Variants in PARP8 observed in about 807,000 individuals in gnomAD.
PARP8 encodes the protein protein mono-ADP-ribosyltransferase PARP8.
Under a neutral mutation model 124.1 loss-of-function variants are expected in PARP8, and 51 were observed. The ratio of observed to expected loss-of-function variants is 0.41; its 90% confidence interval spans 0.33 to 0.52. PARP8 has a LOEUF of 0.52. PARP8 is among the 20% of genes least tolerant of loss of function. The pLI is 0.21. For missense variants in PARP8, 860 were observed against 1,018.9 expected (o/e 0.84, Z 2.12); for synonymous variants, 391 against 361.5 (o/e 1.08, Z -0.93).
Position 50,747,153 on chromosome 5 carries a change from TG to T in PARP8, c.147-2997del, listed in dbSNP as rs1285432511. Among the ~76,000 whole-genome samples the T allele has an allele frequency of 5.4e-3, 54 of 10,046 alleles. 1 individual carries two copies. Among genetic ancestry groups the T allele is most frequent in the African/African-American group, 0.011 (52 of 4,802 alleles). 6.6% of individuals were successfully genotyped at this position (10,046 alleles called of 152,430 possible). ...TTATTCAGTTATGGTTTTTTTTGTT[TG>T]TTTGTTTTGTTTTTTTTTTTTTTTT... is the stretch of plus-strand genomic sequence containing the variant. On this transcript the variant is annotated intron_variant, in intron 2 of 25. Transcript: ENST00000281631.
intron 2 of PARP8, among the ~76,000 whole-genome samples, chr5:50,676,205 T>C (rs1308536452): frequency 6.6e-6 from 1 of 152,254 alleles, no homozygotes; most frequent in Non-Finnish European, 1.5e-5. Flanking sequence ...TGGCAAACTC[T>C]GAGTCTTATT....
intron 13 of PARP8, 45 bp from the exon 14 acceptor site, chr5:50,797,093 A>G (rs1161393024): frequency 1.2e-6 from 2 of 1,609,104 alleles, no homozygotes; most frequent in Admixed American, 3.4e-5. Flanking sequence ...TTTTTAAATC[A>G]TTTATGAGCT....
At chr5:50,741,996 G>C (rs1758095142) in intron 2 of PARP8, 3 of 336,654 alleles carry the variant, frequency 8.9e-6, no homozygotes, top group Non-Finnish European at 5.7e-6. Context: ...TTTTAGTAGA[G>C]ACAGGGTTTT....
chr5:50,725,077 G>GTATA lies in PARP8; in HGVS notation c.147-25061_147-25058dup, dbSNP rs141434751. On this transcript the variant is annotated intron_variant, in intron 2 of 25. Coordinates refer to ENST00000281631, the MANE Select transcript of PARP8 (RefSeq NM_024615.4). ...GTAGTATTCCATTGTGTGTGTATGT[G>GTATA]TATATATATATATATACACATATGT... 1.9e-3 allele frequency among the ~76,000 whole-genome samples: 283 copies of GTATA among 148,288 alleles called. 2 individuals carry two copies. The highest frequency in any genetic ancestry group is 6.8e-3 in the African/African-American group (272 of 40,202).
At chr5:50,691,440 T>C (rs1319268400) in intron 2 of PARP8, among the ~76,000 whole-genome samples, 1 of 152,210 alleles carries the variant, frequency 6.6e-6, no homozygotes, top group Non-Finnish European at 1.5e-5. Context: ...TCTTGGCTGC[T>C]GTGATGAAAT....
At chr5:50,718,284 A>G (rs1385014754) in intron 2 of PARP8, among the ~76,000 whole-genome samples, 1 of 152,066 alleles carries the variant, frequency 6.6e-6, no homozygotes, top group East Asian at 1.9e-4. Context: ...TTAGTGTAAA[A>G]TTATTAAACA....
At chr5:50,675,962 C>T (rs1714934198) in intron 2 of PARP8, among the ~76,000 whole-genome samples, 3 of 152,206 alleles carry the variant, frequency 2.0e-5, no homozygotes, top group Non-Finnish European at 2.9e-5. Context: ...AATATTCCTA[C>T]ATTATGTGAT....
chr5:50,837,802 AAAAG>A (rs1422553587), intron 25 of PARP8, among the ~76,000 whole-genome samples: 1 of 152,086 alleles, frequency 6.6e-6, no homozygotes, highest in African/African-American at 2.4e-5. Flanking sequence ...AATTAAAAAA[AAAAG>A]AAGAGAATTA....
At chr5:50,717,780 C>T (rs1443243003) in intron 2 of PARP8, among the ~76,000 whole-genome samples, 2 of 151,836 alleles carry the variant, frequency 1.3e-5, no homozygotes, top group Non-Finnish European at 2.9e-5. Flanking sequence ...GTAAGTTGAC[C>T]TCATGACTTC....
chr5:50,746,112 A>G (rs756225596), intron 2 of PARP8, among the ~76,000 whole-genome samples: 23 of 152,158 alleles, frequency 1.5e-4, no homozygotes, highest in South Asian at 4.1e-4. Flanking sequence ...TCTTCAATCT[A>G]TCCTAAATAT....
At chr5:50,828,745 A>G (rs1354813686) in intron 21 of PARP8, among the ~76,000 whole-genome samples, 8 of 150,774 alleles carry the variant, frequency 5.3e-5, no homozygotes, top group East Asian at 3.9e-4. Context: ...ATATATATAT[A>G]TATTTATCCA....
chr5:50,841,227 A>T lies in PARP8; in HGVS notation c.2463-739A>T, dbSNP rs144024124. On this transcript the variant is annotated intron_variant, in intron 25 of 25. Coordinates refer to ENST00000281631, the MANE Select transcript of PARP8 (RefSeq NM_024615.4). Reference sequence around the variant, plus strand: ...TGTCACTTGTTCCCCTCTGAATATGATCATGAAAGCTTGAAAATTCATTCT... The same window carrying T: ...TGTCACTTGTTCCCCTCTGAATATGTTCATGAAAGCTTGAAAATTCATTCT... Among the ~76,000 whole-genome samples, 253 of 151,972 alleles carry T rather than the reference A, an allele frequency of 1.7e-3. 1 individual carries two copies. The highest frequency in any genetic ancestry group is 5.6e-3 in the African/African-American group (234 of 41,514).
chr5:50,701,068 C>A (rs2149475169), intron 2 of PARP8, among the ~76,000 whole-genome samples: 1 of 152,164 alleles, frequency 6.6e-6, no homozygotes, highest in East Asian at 1.9e-4. Flanking sequence ...TGTTTGAGTA[C>A]CCTCTTCTAA....
At chr5:50,747,166 T>TTTTG (rs1561320603) in intron 2 of PARP8, among the ~76,000 whole-genome samples, 24 of 141,780 alleles carry the variant, frequency 1.7e-4, no homozygotes, top group African/African-American at 6.2e-4. Flanking sequence ...TTGTTTTGTT[T>TTTTG]TTTTTTTTTT....
chr5:50,807,127 T>A (rs1235822700), intron 14 of PARP8, among the ~76,000 whole-genome samples: 1 of 151,942 alleles, frequency 6.6e-6, no homozygotes, highest in Admixed American at 6.6e-5. Flanking sequence ...ACATAAATCC[T>A]CTTTAACCTT....
chr5:50,829,553 A>G (rs1746718805), intron 21 of PARP8, among the ~76,000 whole-genome samples: 1 of 152,186 alleles, frequency 6.6e-6, no homozygotes, highest in South Asian at 2.1e-4. Context: ...ACACTAACAT[A>G]TAAATCCTAA....
At chr5:50,693,024 A>G (rs1233678392) in intron 2 of PARP8, among the ~76,000 whole-genome samples, 5 of 152,212 alleles carry the variant, frequency 3.3e-5, no homozygotes, top group Non-Finnish European at 5.9e-5. Flanking sequence ...GACCTCCCTT[A>G]GGAATTCTTC....
chr5:50,669,565 G>A lies in PARP8; in HGVS notation c.146+1440G>A, dbSNP rs1263819420. 1.1e-4 allele frequency: 16 copies of A among 152,194 alleles called. No individual in the cohort carries two copies. In the East Asian group the frequency reaches 2.9e-3, roughly 28 times the overall value. The allele number at this position is 152,194 out of a possible 1,614,324, so 9.4% of individuals were successfully genotyped here. A position where few individuals can be genotyped will look rare whatever the true frequency, so the allele number is the denominator to read the frequency against. On this transcript the variant is annotated intron_variant, in intron 2 of 25. Transcript: ENST00000281631. ...TCTTTTGGCCTCAGTTTACTTATCTGTACAATCAAAGGGTAAATCATATGC... is the reference window on the plus strand; with the variant it reads ...TCTTTTGGCCTCAGTTTACTTATCTATACAATCAAAGGGTAAATCATATGC...
chr5:50,792,205 T>A (rs1190312170), intron 10 of PARP8, among the ~76,000 whole-genome samples: 2 of 152,210 alleles, frequency 1.3e-5, no homozygotes, highest in African/African-American at 4.8e-5. Context: ...AGCACAATAG[T>A]AAACACAAAC....
Sources: gnomAD v4.1 joint callset for allele counts (sites outside exome capture counted in the v4.1 genomes callset) on GRCh38, gnomAD v4.1.1 for gene constraint, MANE v1.5 for transcripts, NCBI Gene and HGNC (gene_info 2026-07-23, HGNC 2026-07-21) for gene names.